The following SLC33A1 variants were observed in gnomAD, a reference collection of about 807,000 sequenced individuals.
SLC33A1 encodes solute carrier family 33 member 1, also known as acetyl-coenzyme A transporter 1.
In SLC33A1, 20 loss-of-function variants were observed where a neutral mutation model predicts 50.0. The observed-to-expected ratio is 0.40, with a 90% confidence interval of 0.28 to 0.58. The LOEUF (loss-of-function observed/expected upper bound fraction) is 0.58. Among genes scored for constraint, SLC33A1 ranks in the 20% least tolerant of loss-of-function variants. The pLI, the probability that SLC33A1 is intolerant of heterozygous loss-of-function variation, is 0.44. For synonymous variants in SLC33A1, 265 were observed against 251.8 expected (o/e 1.05, Z -0.50); for missense variants, 476 against 657.0 (o/e 0.72, Z 3.01).
rs1267806248 is a variant in SLC33A1 at position 155,854,388 on chromosome 3, G to A, written c.-391C>T. 2 of 184,820 alleles carry A rather than the reference G, an allele frequency of 1.1e-5. No homozygotes were observed. Among genetic ancestry groups the A allele is most frequent in the South Asian group, 1.6e-4 (1 of 6,226 alleles). 11.4% of individuals were successfully genotyped at this position (184,820 alleles called of 1,614,324 possible). A position where few individuals can be genotyped will look rare whatever the true frequency, so the allele number is the denominator to read the frequency against. ...CTCCAGCTCTCGCTGCTATCAATGC[G>A]GCAGAGAGCACTTTCTCTACAGGAC... On this transcript the variant is annotated 5_prime_UTR_variant, in exon 1 of 6. Coordinates refer to ENST00000643144, the MANE Select transcript of SLC33A1 (RefSeq NM_004733.4).
intron 2 of SLC33A1, among the ~76,000 whole-genome samples, chr3:155,837,301 A>T (rs1281857686): frequency 1.4e-5 from 2 of 147,066 alleles, no homozygotes; most frequent in African/African-American, 2.5e-5. Flanking sequence ...GCTTGCAGTG[A>T]GCCGAGATCG....
intron 2 of SLC33A1, among the ~76,000 whole-genome samples, chr3:155,838,848 T>C (rs1671028669): frequency 6.6e-6 from 1 of 151,676 alleles, no homozygotes; most frequent in African/African-American, 2.4e-5. Flanking sequence ...AGACCTCATC[T>C]TAAAAAAAAT....
intron 3 of SLC33A1, 95 bp from the exon 4 acceptor site, chr3:155,833,680 C>T (rs1455656478): frequency 1.0e-6 from 1 of 960,070 alleles, no homozygotes; most frequent in African/African-American, 1.6e-5. Context: ...ATGAAAGAAG[C>T]TGTATCTAAA....
intron 2 of SLC33A1, among the ~76,000 whole-genome samples, chr3:155,838,570 A>G (rs1447456560): frequency 6.6e-6 from 1 of 150,538 alleles, no homozygotes; most frequent in Non-Finnish European, 1.5e-5. Flanking sequence ...AATCCCAGCT[A>G]CTCCGGAGGC....
chr3:155,847,732 G>C (rs1753229923), intron 1 of SLC33A1, among the ~76,000 whole-genome samples: 1 of 151,176 alleles, frequency 6.6e-6, no homozygotes, highest in South Asian at 2.1e-4. Context: ...TGGGTGACAA[G>C]TGCAAAACTC....
intron 1 of SLC33A1, among the ~76,000 whole-genome samples, chr3:155,846,926 G>A (rs1753198047): frequency 6.6e-6 from 1 of 151,930 alleles, no homozygotes; most frequent in Non-Finnish European, 1.5e-5. Flanking sequence ...AGAATAAATA[G>A]GCTGGGCGTG....
At chr3:155,853,000 G>A (rs1753460560) in intron 1 of SLC33A1, 5 of 578,480 alleles carry the variant, frequency 8.6e-6, no homozygotes, top group Non-Finnish European at 1.5e-5. Context: ...TTATTTGATG[G>A]GTTGCCTCTC....
intron 1 of SLC33A1, among the ~76,000 whole-genome samples, chr3:155,846,124 C>A (rs560254457): frequency 6.6e-6 from 1 of 152,294 alleles, no homozygotes; most frequent in Admixed American, 6.5e-5. Flanking sequence ...AATAAAGGTA[C>A]AATAGCTCGC....
chr3:155,845,330 T>G (rs1221372463), intron 1 of SLC33A1, among the ~76,000 whole-genome samples: 1 of 152,106 alleles, frequency 6.6e-6, no homozygotes, highest in Non-Finnish European at 1.5e-5. Context: ...AGATTATTTC[T>G]TTTTTTCTTT....
At chr3:155,850,699 C>G (rs1292171640) in intron 1 of SLC33A1, among the ~76,000 whole-genome samples, 1 of 151,756 alleles carries the variant, frequency 6.6e-6, no homozygotes, top group Non-Finnish European at 1.5e-5. Flanking sequence ...TCACTGCAAC[C>G]TCTGCTTCCT....
At chr3:155,851,097 C>A (rs1753381623) in intron 1 of SLC33A1, among the ~76,000 whole-genome samples, 1 of 151,842 alleles carries the variant, frequency 6.6e-6, no homozygotes, top group Non-Finnish European at 1.5e-5. Context: ...CAAAAATTAG[C>A]TGGGTGTGGT....
chr3:155,840,190 C>T (rs970745294), intron 2 of SLC33A1, among the ~76,000 whole-genome samples: 19 of 151,404 alleles, frequency 1.3e-4, no homozygotes, highest in South Asian at 6.3e-4. Context: ...CGGGTTCCAG[C>T]GATTCTCCTG....
chr3:155,846,080 GA>G (rs1753160390), intron 1 of SLC33A1, among the ~76,000 whole-genome samples: 1 of 152,162 alleles, frequency 6.6e-6, no homozygotes, highest in Non-Finnish European at 1.5e-5. Context: ...CACGAATGCA[GA>G]AATTAAGAGC....
chr3:155,834,085 A>T, intron 2 of SLC33A1, 44 bp from the exon 3 acceptor site: 1 of 1,545,050 alleles, frequency 6.5e-7, no homozygotes, highest in South Asian at 1.1e-5. Flanking sequence ...GTGACTTATG[A>T]AATATTTTCC....
At position 155,853,980 on chromosome 3, in the gene SLC33A1, G is replaced by A. The variant is rs1280227982; in HGVS notation, c.18C>T (p.Ser6=). The A allele has an allele frequency of 1.9e-6, 3 of 1,545,708 alleles. No individual in the cohort carries two copies. The highest frequency in any genetic ancestry group is 4.5e-5 in the East Asian group (2 of 44,504). Residue 6 remains serine, a synonymous_variant, in exon 1 of 6, where the codon TCC becomes TCT. Transcript: ENST00000643144. ...GCCGTTGCCGGCTGCTGTCCTTGTGGGAGATGGTGGGTGACATATCAGAGA... is the reference window on the plus strand; with the variant it reads ...GCCGTTGCCGGCTGCTGTCCTTGTGAGAGATGGTGGGTGACATATCAGAGA... The part of the protein sequence containing the change: MSPTI[S]HKDSSRQRRP...
rs547468556 is a variant in SLC33A1, at chr3:155,824,074, G to C, written c.*4136C>G. On this transcript the variant is annotated 3_prime_UTR_variant, in exon 6 of 6. Coordinates refer to ENST00000643144, the MANE Select transcript of SLC33A1 (RefSeq NM_004733.4). ...TAATTGTGCCTCGCTATCTACCAAA[G>C]ACATTGGTTAAAAAAAAGTCTCAGC... 7.4e-4 allele frequency: 113 copies of C among 152,100 alleles called. No individual in the cohort carries two copies. The highest frequency in any genetic ancestry group is 2.3e-3 in the African/African-American group (96 of 41,458). 9.4% of individuals were successfully genotyped at this position (152,100 alleles called of 1,614,324 possible).
intron 1 of SLC33A1, among the ~76,000 whole-genome samples, chr3:155,844,035 A>C (rs6800944): frequency 0.2 from 29,989 of 152,066 alleles, 7,527 homozygotes; most frequent in African/African-American, 0.58. Context: ...ACCCTAAGTC[A>C]CCTCTTCTCA....
intron 1 of SLC33A1, among the ~76,000 whole-genome samples, chr3:155,848,562 G>A (rs1328253460): frequency 6.6e-6 from 1 of 151,962 alleles, no homozygotes; most frequent in Non-Finnish European, 1.5e-5. Flanking sequence ...GGCGCCTGTA[G>A]TCCCAGCTAC....
At chr3:155,832,349 G>C (rs1752473870) in intron 4 of SLC33A1, among the ~76,000 whole-genome samples, 1 of 151,778 alleles carries the variant, frequency 6.6e-6, no homozygotes, top group South Asian at 2.1e-4. Context: ...TTGCACTCCA[G>C]CCTGGGCAAC....
Sources: allele counts gnomAD v4.1 joint callset (sites outside exome capture counted in the v4.1 genomes callset), GRCh38; gene constraint gnomAD v4.1.1; transcripts MANE v1.5; gene names NCBI Gene and HGNC (gene_info 2026-07-23, HGNC 2026-07-21).